The following HERC1 variants were observed in gnomAD, a reference collection of about 807,000 sequenced individuals.
HERC1 encodes the protein probable E3 ubiquitin-protein ligase HERC1.
HERC1 carries 160 observed loss-of-function variants against 554.3 expected under a neutral mutation model. That is an observed-to-expected ratio of 0.29 (90% CI 0.25 to 0.33). The LOEUF (loss-of-function observed/expected upper bound fraction) is 0.33, where lower values mean the gene tolerates loss of function less well. Among genes scored for constraint, HERC1 ranks in the 10% least tolerant of loss-of-function variants. The probability of loss-of-function intolerance (pLI) is 1.00; values close to 1 mark genes in which losing one functional copy is unlikely to be tolerated. For missense variants in HERC1, 4,919 were observed against 5,918.5 expected, an observed-to-expected ratio of 0.83 and a Z score of 5.54; for synonymous variants, 2,175 against 2,131.7, an observed-to-expected ratio of 1.02 and a Z score of -0.56.
intron 13 of HERC1, among the ~76,000 whole-genome samples, chr15:63,733,955 G>A (rs1243093771): frequency 6.6e-6 from 1 of 152,134 alleles, no homozygotes; most frequent in African/African-American, 2.4e-5. Flanking sequence ...TTGAGGCCAG[G>A]AGTTCAAGAA....
chr15:63,773,022 G>T (rs1446262765), intron 2 of HERC1, among the ~76,000 whole-genome samples: 2 of 152,122 alleles, frequency 1.3e-5, no homozygotes, highest in African/African-American at 4.8e-5. Context: ...CTGTCCAAAA[G>T]CTTTCTACTT....
chr15:63,754,998 C>A (rs984104970), intron 6 of HERC1, among the ~76,000 whole-genome samples: 2 of 152,150 alleles, frequency 1.3e-5, no homozygotes, highest in African/African-American at 4.8e-5. Context: ...AGAAACCCTA[C>A]AATGCCTGGT....
At position 63,612,618 on chromosome 15, in the gene HERC1, C is replaced by A. The variant is rs1386132950; in HGVS notation, c.14095-62G>T. 3.3e-6 allele frequency: 5 copies of A among 1,532,700 alleles called. No individual in the cohort carries two copies. Among genetic ancestry groups the A allele is most frequent in the Non-Finnish European group, 4.4e-6 (5 of 1,128,320 alleles). 94.9% of individuals were successfully genotyped at this position (1,532,700 alleles called of 1,614,324 possible). A position where few individuals can be genotyped will look rare whatever the true frequency, so the allele number is the denominator to read the frequency against. Reference sequence around the variant, plus strand: ...CGTGAACCTGGCACCCACCAAGGGCCCTGTGGGGCTAGGCGCCTCCTGATG... The same window carrying A: ...CGTGAACCTGGCACCCACCAAGGGCACTGTGGGGCTAGGCGCCTCCTGATG... On this transcript the variant is annotated intron_variant, in intron 76 of 77. Coordinates refer to ENST00000443617, the MANE Select transcript of HERC1 (RefSeq NM_003922.4). The surrounding 1 kb of genome is among the most constrained non-coding windows in gnomAD (Gnocchi z 5.0).
At chr15:63,675,219 A>G (rs1005561048) in intron 37 of HERC1, 102 bp from the exon 38 acceptor site, 1 of 884,600 alleles carries the variant, frequency 1.1e-6, no homozygotes. Flanking sequence ...TCATGTACAC[A>G]ATACAGAGAA....
rs567357981 is a variant in HERC1 at position 63,692,046 on chromosome 15, A to G, written c.5830+365T>C. ...TCAAGGCAACAGAAATCACATTATGATAAGAGAGACTGTACAAATTCAGAT... is the reference window on the plus strand; with the variant it reads ...TCAAGGCAACAGAAATCACATTATGGTAAGAGAGACTGTACAAATTCAGAT... On this transcript the variant is annotated intron_variant, in intron 31 of 77. Transcript: ENST00000443617. This position sits in a 1 kb window ranked among gnomAD's most constrained non-coding sequence, Gnocchi z 4.7. 4.3e-4 allele frequency among the ~76,000 whole-genome samples: 66 copies of G among 152,346 alleles called. No homozygotes were observed. The highest frequency in any genetic ancestry group is 1.6e-3 in the African/African-American group (65 of 41,576).
At chr15:63,778,086 C>T (rs902014935) in intron 1 of HERC1, among the ~76,000 whole-genome samples, 2 of 152,124 alleles carry the variant, frequency 1.3e-5, no homozygotes, top group Non-Finnish European at 2.9e-5. Context: ...CTATACCAAA[C>T]CACACCTGTA....
chr15:63,788,331 T>C (rs924954789), intron 1 of HERC1, among the ~76,000 whole-genome samples: 2 of 152,164 alleles, frequency 1.3e-5, no homozygotes, highest in African/African-American at 2.4e-5. Context: ...AATTGGAGAA[T>C]TGGGATAATA....
At chr15:63,664,434 C>T in intron 43 of HERC1, 36 bp downstream of exon 43, 2 of 1,579,058 alleles carry the variant, frequency 1.3e-6, no homozygotes, top group Non-Finnish European at 1.7e-6. Flanking sequence ...AAAATAAGAT[C>T]TTTCACAAAG....
chr15:63,799,799 C>T (rs1279272014), intron 1 of HERC1, among the ~76,000 whole-genome samples: 1 of 152,104 alleles, frequency 6.6e-6, no homozygotes, highest in Non-Finnish European at 1.5e-5. Context: ...CAGAGAAATT[C>T]TCTAAGCAGG....
intron 25 of HERC1, among the ~76,000 whole-genome samples, chr15:63,703,819 G>A (rs2072857911): frequency 6.6e-6 from 1 of 152,138 alleles, no homozygotes; most frequent in African/African-American, 2.4e-5. Context: ...TCAGATGGGA[G>A]GGTCACTTGA....
chr15:63,817,671 C>T (rs1228401956), intron 1 of HERC1, among the ~76,000 whole-genome samples: 2 of 152,232 alleles, frequency 1.3e-5, no homozygotes, highest in African/African-American at 2.4e-5. Flanking sequence ...GCCAAGTTCG[C>T]GCCACTACAC....
chr15:63,799,187 G>C (rs1157486732), intron 1 of HERC1, among the ~76,000 whole-genome samples: 1 of 152,024 alleles, frequency 6.6e-6, no homozygotes, highest in Non-Finnish European at 1.5e-5. Context: ...GTTCAGTTCT[G>C]ATACTTAAGG....
Position 63,689,713 on chromosome 15 carries a change from G to GA in HERC1, c.5938-15dup, listed in dbSNP as rs1231789603. On this transcript the variant is annotated splice_polypyrimidine_tract_variant and intron_variant, in intron 32 of 77. Coordinates refer to ENST00000443617, the MANE Select transcript of HERC1 (RefSeq NM_003922.4). ...GCGCTCAACAATCTGTTTTATTGAA[G>GA]AAAAAAGGATAAAATTTGTAAAAAG... The GA allele has an allele frequency of 8.4e-6, 12 of 1,427,044 alleles. No homozygotes were observed. The highest frequency in any genetic ancestry group is 1.5e-5 in the African/African-American group (1 of 68,452). The allele number at this position is 1,427,044 out of a possible 1,614,324, so 88.4% of individuals were successfully genotyped here.
At chr15:63,655,673 A>C in intron 50 of HERC1, 69 bp downstream of exon 50, 4 of 1,090,292 alleles carry the variant, frequency 3.7e-6, no homozygotes, top group Non-Finnish European at 5.3e-6. Context: ...TATACTAACA[A>C]TGTAAAAACA....
At chr15:63,760,435 CAAAAAAAAAA>C (rs34164820) in intron 3 of HERC1, among the ~76,000 whole-genome samples, 484 of 91,436 alleles carry the variant, frequency 5.3e-3, no homozygotes, top group Middle Eastern at 0.015. Flanking sequence ...AGACACCATC[CAAAAAAAAAA>C]AAAAAAAAAA....
chr15:63,768,578 A>C (rs750866019), intron 2 of HERC1, among the ~76,000 whole-genome samples: 5 of 152,244 alleles, frequency 3.3e-5, no homozygotes, highest in Non-Finnish European at 5.9e-5. Flanking sequence ...TTCGTTATCT[A>C]AAAGCCAACT....
At chr15:63,722,564 C>G (rs575374676) in intron 19 of HERC1, among the ~76,000 whole-genome samples, 1 of 152,286 alleles carries the variant, frequency 6.6e-6, no homozygotes, top group African/African-American at 2.4e-5. Context: ...AAATTGCATG[C>G]CCTTCTGAGT....
intron 43 of HERC1, among the ~76,000 whole-genome samples, chr15:63,663,763 T>C (rs1473492832): frequency 6.6e-6 from 1 of 152,148 alleles, no homozygotes; most frequent in African/African-American, 2.4e-5. Flanking sequence ...ATAATGTTAA[T>C]CATATAGAAA....
At chr15:63,698,597 A>T in intron 26 of HERC1, 131 bp downstream of exon 26, 1 of 860,376 alleles carries the variant, frequency 1.2e-6, no homozygotes, top group Non-Finnish European at 1.8e-6. Context: ...TGTTATGTTT[A>T]AAAGCTCAGG....
Sources: allele counts gnomAD v4.1 joint callset (sites outside exome capture counted in the v4.1 genomes callset), GRCh38; gene constraint gnomAD v4.1.1; non-coding constraint Gnocchi (gnomAD v3.1); transcripts MANE v1.5; gene names NCBI Gene and HGNC (gene_info 2026-07-23, HGNC 2026-07-21).